The following DMGDH variants were observed in gnomAD, a reference collection of about 807,000 sequenced individuals.
DMGDH encodes the protein dimethylglycine dehydrogenase, also known as dimethylglycine dehydrogenase, mitochondrial.
Under a neutral mutation model 95.2 loss-of-function variants are expected in DMGDH, and 76 were observed. The observed-to-expected ratio is 0.80, with a 90% CI of 0.66 to 0.97. The LOEUF is 0.97. Among genes scored for constraint, DMGDH ranks in the 50% least tolerant of loss-of-function variants. The pLI is 0.00. For missense variants in DMGDH, 987 were observed against 1,055.0 expected (o/e 0.94, Z 0.89); for synonymous variants, 345 against 377.6 (o/e 0.91, Z 1.00).
chr5:79,036,735 C>T (rs2112636186), intron 7 of DMGDH, among the ~76,000 whole-genome samples: 1 of 152,264 alleles, frequency 6.6e-6, no homozygotes, highest in Admixed American at 6.5e-5. Context: ...GGGCCCCTCT[C>T]CGGACCACTA....
intron 1 of DMGDH, among the ~76,000 whole-genome samples, chr5:79,064,972 A>G (rs898252630): frequency 1.3e-5 from 2 of 151,462 alleles, no homozygotes; most frequent in Admixed American, 1.3e-4. Context: ...CTGGTCTTGA[A>G]CTCCTGACCT....
At chr5:79,051,203 G>A (rs1754843003) in intron 5 of DMGDH, 84 bp downstream of exon 5, 1 of 1,413,168 alleles carries the variant, frequency 7.1e-7, no homozygotes, top group Admixed American at 1.7e-5. Flanking sequence ...TCATGACAAT[G>A]TCCATCGTAC....
intron 4 of DMGDH, among the ~76,000 whole-genome samples, chr5:79,052,973 C>T (rs1425082059): frequency 6.6e-6 from 1 of 152,130 alleles, no homozygotes; most frequent in African/African-American, 2.4e-5. Flanking sequence ...CCAACAGCCC[C>T]ATCTGATACA....
At position 79,069,544 on chromosome 5, in the gene DMGDH, G is replaced by C; in HGVS notation, c.77C>G (p.Pro26Arg). The C allele has an allele frequency of 7.6e-7, 1 of 1,312,946 alleles. No individual in the cohort carries two copies. Among genetic ancestry groups the C allele is most frequent in the Non-Finnish European group, 9.7e-7 (1 of 1,034,176 alleles). The allele number at this position is 1,312,946 out of a possible 1,614,324, so 81.3% of individuals were successfully genotyped here. A position where few individuals can be genotyped will look rare whatever the true frequency, so the allele number is the denominator to read the frequency against. The part of the protein sequence containing the change: ...SCPLQGSPGR[P>R]RSVCGREGEE... ...CCCTTCCCGGCCGCAGACAGAGCGC[G>C]GGCGCCCGGGGGAGCCCTGCAGCGG... The change falls in exon 1 of 16, where the codon CCG becomes CGG. Residue 26 changes from proline (P) to arginine (R), a missense_variant. By Grantham distance (103) the Pro-to-Arg change is moderately radical. Transcript: ENST00000255189.
intron 13 of DMGDH, 62 bp from the exon 14 acceptor site, chr5:79,024,392 T>G (rs1753941559): frequency 6.9e-7 from 1 of 1,443,788 alleles, no homozygotes. Flanking sequence ...TAACATCACT[T>G]TCATATTTGT....
intron 7 of DMGDH, among the ~76,000 whole-genome samples, chr5:79,040,133 G>A (rs935806908): frequency 6.6e-6 from 1 of 152,220 alleles, no homozygotes; most frequent in Non-Finnish European, 1.5e-5. Flanking sequence ...CCCGAGACTT[G>A]AGACTGTTGT....
intron 5 of DMGDH, among the ~76,000 whole-genome samples, chr5:79,044,895 G>A (rs1241505277): frequency 6.6e-6 from 1 of 152,186 alleles, no homozygotes; most frequent in Non-Finnish European, 1.5e-5. Flanking sequence ...ACAAATGTTA[G>A]TAAGAAGTAC....
Position 79,044,560 on chromosome 5 carries a change from A to G in DMGDH, c.746-8T>C. On this transcript the variant is annotated splice_polypyrimidine_tract_variant and splice_region_variant and intron_variant, in intron 5 of 15. Transcript: ENST00000255189. ...CTTCACGAGCCCAAAATCCTTAAAC[A>G]AAAAAATCATTTAAAAGTGTCAGCC... 1 of 1,613,624 alleles carries G rather than the reference A, an allele frequency of 6.2e-7. No individual in the cohort carries two copies. The highest frequency in any genetic ancestry group is 8.5e-7 in the Non-Finnish European group (1 of 1,179,892).
chr5:79,052,269 T>C (rs1029241383), intron 4 of DMGDH, among the ~76,000 whole-genome samples: 2 of 152,184 alleles, frequency 1.3e-5, no homozygotes, highest in African/African-American at 2.4e-5. Flanking sequence ...GTCTTTCTTT[T>C]TGGGGGGATG....
chr5:79,049,010 A>G lies in DMGDH; in HGVS notation c.745+2277T>C, dbSNP rs576344954. On this transcript the variant is annotated intron_variant, in intron 5 of 15. Transcript: ENST00000255189. ...GAAGTGGCTGGGCAAAAAGCACAAGAACAAGGGAAAAAGGGAGGCATTACC... is the reference window on the plus strand; with the variant it reads ...GAAGTGGCTGGGCAAAAAGCACAAGGACAAGGGAAAAAGGGAGGCATTACC... 3.3e-5 allele frequency among the ~76,000 whole-genome samples: 5 copies of G among 152,294 alleles called. 1 individual carries two copies. In the South Asian group the frequency reaches 1.0e-3, roughly 32 times the overall value.
At chr5:79,041,774 T>C (rs1389550441) in intron 7 of DMGDH, among the ~76,000 whole-genome samples, 1 of 151,952 alleles carries the variant, frequency 6.6e-6, no homozygotes, top group African/African-American at 2.4e-5. Flanking sequence ...GTGGGCAGAT[T>C]GCCTGAGGTC....
At chr5:79,028,347 G>A (rs1422502442) in intron 12 of DMGDH, 86 bp downstream of exon 12, 1 of 1,183,448 alleles carries the variant, frequency 8.4e-7, no homozygotes, top group African/African-American at 1.5e-5. Flanking sequence ...CATTTCTTGT[G>A]ACATGACCTT....
At chr5:79,035,667 T>C (rs905214507) in intron 7 of DMGDH, among the ~76,000 whole-genome samples, 1 of 151,344 alleles carries the variant, frequency 6.6e-6, no homozygotes, top group African/African-American at 2.4e-5. Context: ...TATACCATCA[T>C]GTTCTTTCCC....
At chr5:79,024,619 T>C (rs1753949513) in intron 13 of DMGDH, among the ~76,000 whole-genome samples, 1 of 152,232 alleles carries the variant, frequency 6.6e-6, no homozygotes, top group South Asian at 2.1e-4. Context: ...GTGATGTTTC[T>C]TCTAGAAACA....
Position 78,997,986 on chromosome 5 carries a change from A to T in DMGDH, c.*96T>A. The T allele has an allele frequency of 7.7e-7, 1 of 1,300,236 alleles. No individual in the cohort carries two copies. The highest frequency in any genetic ancestry group is 1.1e-6 in the Non-Finnish European group (1 of 912,140). The allele number at this position is 1,300,236 out of a possible 1,614,324, so 80.5% of individuals were successfully genotyped here. ...TTAGACTTTGATGATTTTGAAATGA[A>T]TTCCTGGTTTCCTCTATTCCCCTGG... On this transcript the variant is annotated 3_prime_UTR_variant, in exon 16 of 16. Coordinates refer to ENST00000255189, the MANE Select transcript of DMGDH (RefSeq NM_013391.3).
In DMGDH at chr5:79,044,428, C is replaced by A. The variant is rs1409070265; in HGVS notation, c.870G>T (p.Val290=). The change falls in exon 6 of 16, where the codon GTG becomes GTT. Residue 290 remains valine (V), a synonymous_variant. Transcript: ENST00000255189. ...AATATGATCCTTCCAGGTCACGGAGCACAGGCAGTTCTCGTTTCAAAGCTT... is the reference window on the plus strand; with the variant it reads ...AATATGATCCTTCCAGGTCACGGAGAACAGGCAGTTCTCGTTTCAAAGCTT... ...EVKALKRELP[V]LRDLEGSYYL... is the part of the protein sequence containing the mutation. 1 of 1,614,046 alleles carries A rather than the reference C, an allele frequency of 6.2e-7. No individual in the cohort carries two copies. Among genetic ancestry groups the A allele is most frequent in the Non-Finnish European group, 8.5e-7 (1 of 1,180,030 alleles).
chr5:79,061,335 C>CAAGTTGATT (rs2112673876), intron 2 of DMGDH, among the ~76,000 whole-genome samples: 1 of 151,734 alleles, frequency 6.6e-6, no homozygotes, highest in Admixed American at 6.6e-5. Context: ...TGCAAAAAAC[C>CAAGTTGATT]CTAGAATCAA....
chr5:79,009,668 G>A (rs1394441565), intron 14 of DMGDH, among the ~76,000 whole-genome samples: 1 of 152,062 alleles, frequency 6.6e-6, no homozygotes, highest in Admixed American at 6.6e-5. Flanking sequence ...GCACCCAGCT[G>A]GAACACTTCA....
intron 14 of DMGDH, among the ~76,000 whole-genome samples, chr5:79,022,432 G>A (rs1335908996): frequency 6.6e-6 from 1 of 152,146 alleles, no homozygotes; most frequent in Non-Finnish European, 1.5e-5. Context: ...CTGTCTTGGA[G>A]ATTAGCAAGC....
Sources: allele counts gnomAD v4.1 joint callset (sites outside exome capture counted in the v4.1 genomes callset), GRCh38; gene constraint gnomAD v4.1.1; transcripts MANE v1.5; gene names NCBI Gene and HGNC (gene_info 2026-07-23, HGNC 2026-07-21).